Variants in HPSE2 observed in about 807,000 individuals in gnomAD.
HPSE2 encodes the protein inactive heparanase-2.
HPSE2 carries 38 observed loss-of-function variants against 60.5 expected under a neutral mutation model. That is an observed-to-expected ratio of 0.63 (90% CI 0.48 to 0.82). The LOEUF (loss-of-function observed/expected upper bound fraction) is 0.82, where lower values mean the gene tolerates loss of function less well. Ranked by LOEUF, HPSE2 falls within the 40% of genes least tolerant of loss-of-function variation. HPSE2 has a pLI of 0.00. For synonymous variants in HPSE2, 295 were observed against 293.2 expected (o/e 1.01, Z -0.06); for missense variants, 713 against 740.4 (o/e 0.96, Z 0.43).
the HPSE2 span, among the ~76,000 whole-genome samples, chr10:99,258,203 T>C: frequency 6.6e-6 from 1 of 152,008 alleles, no homozygotes; most frequent in Non-Finnish European, 1.5e-5. Context: ...TTTTATGTAT[T>C]AGCGACAAAT....
chr10:98,563,087 C>A (rs1944239724), intron 9 of HPSE2, among the ~76,000 whole-genome samples: 1 of 152,052 alleles, frequency 6.6e-6, no homozygotes, highest in Non-Finnish European at 1.5e-5. Context: ...GATATATACC[C>A]AAGATGAATG....
intron 7 of HPSE2, among the ~76,000 whole-genome samples, chr10:98,624,437 T>C (rs938575968): frequency 1.3e-5 from 2 of 152,084 alleles, no homozygotes; most frequent in African/African-American, 4.8e-5. Flanking sequence ...GAAGACTATC[T>C]GGAGTGTAGA....
intron 2 of HPSE2, among the ~76,000 whole-genome samples, chr10:99,209,127 T>C (rs928859041): frequency 2.0e-5 from 3 of 152,172 alleles, no homozygotes; most frequent in Admixed American, 6.5e-5. Context: ...TGAACAATAC[T>C]ACAAACCAAT....
At chr10:98,605,989 C>T (rs536080427) in intron 9 of HPSE2, among the ~76,000 whole-genome samples, 51 of 152,338 alleles carry the variant, frequency 3.3e-4, no homozygotes, top group Admixed American at 1.4e-3. Flanking sequence ...GCCTCCCCTC[C>T]TCATTATTCA....
chr10:98,510,927 G>A (rs1341598608), intron 9 of HPSE2, among the ~76,000 whole-genome samples: 1 of 152,176 alleles, frequency 6.6e-6, no homozygotes, highest in African/African-American at 2.4e-5. Flanking sequence ...ATAGCTGGAG[G>A]AATTTGCAGA....
chr10:98,514,970 C>T (rs1300552667), intron 9 of HPSE2, among the ~76,000 whole-genome samples: 5 of 151,922 alleles, frequency 3.3e-5, no homozygotes, highest in African/African-American at 1.2e-4. Flanking sequence ...GCAATCCGCC[C>T]GCCTCGGCCT....
chr10:98,565,422 C>T (rs1050896362), intron 9 of HPSE2, among the ~76,000 whole-genome samples: 2 of 152,066 alleles, frequency 1.3e-5, no homozygotes, highest in African/African-American at 2.4e-5. Context: ...TGAGAACATG[C>T]GGTGTTTGGT....
the HPSE2 span, among the ~76,000 whole-genome samples, chr10:99,310,997 CA>C: frequency 6.6e-6 from 1 of 152,092 alleles, no homozygotes; most frequent in Non-Finnish European, 1.5e-5. Flanking sequence ...CATAATTTTT[CA>C]TTCCACTTTC....
At chr10:99,192,506 A>G (rs1467926682) in intron 2 of HPSE2, among the ~76,000 whole-genome samples, 1 of 152,176 alleles carries the variant, frequency 6.6e-6, no homozygotes, top group African/African-American at 2.4e-5. Flanking sequence ...GCACAATCAC[A>G]GCACACCACA....
chr10:98,910,091 G>A (rs1490780381), intron 3 of HPSE2, among the ~76,000 whole-genome samples: 1 of 152,182 alleles, frequency 6.6e-6, no homozygotes, highest in African/African-American at 2.4e-5. Context: ...TAACTGTGCT[G>A]TGATAAAGGC....
chr10:99,278,553 T>G, the HPSE2 span, among the ~76,000 whole-genome samples: 6 of 152,110 alleles, frequency 3.9e-5, no homozygotes, highest in Non-Finnish European at 7.4e-5. Flanking sequence ...TCATGGCCAC[T>G]CCTAGCTAAA....
intron 6 of HPSE2, among the ~76,000 whole-genome samples, chr10:98,688,477 C>G (rs12219030): frequency 1.2e-5 from 1 of 83,012 alleles, no homozygotes; most frequent in East Asian, 3.8e-4. Flanking sequence ...TTTTTTTTTT[C>G]TTTTTTTTTT....
At chr10:98,961,016 T>C (rs1251203739) in intron 3 of HPSE2, among the ~76,000 whole-genome samples, 106 of 65,228 alleles carry the variant, frequency 1.6e-3, no homozygotes, top group Middle Eastern at 0.011. Flanking sequence ...CTTGCGATAG[T>C]TTACTGAGAA....
chr10:99,305,979 G>GCGCGCGCGCGCACACACACACACACACA, the HPSE2 span, among the ~76,000 whole-genome samples: 22 of 80,568 alleles, frequency 2.7e-4, no homozygotes, highest in Admixed American at 3.6e-4. Flanking sequence ...GCGCGCGCGC[G>GCGCGCGCGCGCACACACACACACACACA]CACACACACA....
At chr10:98,586,530 A>G (rs1204537176) in intron 9 of HPSE2, among the ~76,000 whole-genome samples, 1 of 152,260 alleles carries the variant, frequency 6.6e-6, no homozygotes, top group African/African-American at 2.4e-5. Flanking sequence ...AAAAATTTAA[A>G]TAGCATTACT....
At chr10:98,691,037 C>G (rs959786701) in intron 6 of HPSE2, among the ~76,000 whole-genome samples, 24 of 152,194 alleles carry the variant, frequency 1.6e-4, no homozygotes, top group African/African-American at 5.8e-4. Flanking sequence ...TCTCCCCCAG[C>G]CTTTTTTTAC....
chr10:99,058,905 A>G (rs1057267690), intron 3 of HPSE2, among the ~76,000 whole-genome samples: 1 of 152,154 alleles, frequency 6.6e-6, no homozygotes, highest in Non-Finnish European at 1.5e-5. Context: ...GAGGGGAGAT[A>G]GTAATTATTT....
At chr10:99,163,644 A>C (rs1846937895) in intron 2 of HPSE2, among the ~76,000 whole-genome samples, 1 of 152,208 alleles carries the variant, frequency 6.6e-6, no homozygotes, top group Non-Finnish European at 1.5e-5. Context: ...TTTAGATTTC[A>C]CCAGTTTTTC....
intron 2 of HPSE2, among the ~76,000 whole-genome samples, chr10:99,223,818 G>T (rs1276202407): frequency 6.6e-6 from 1 of 152,098 alleles, no homozygotes; most frequent in Non-Finnish European, 1.5e-5. Flanking sequence ...AGAAAAATTA[G>T]AGAAAGAGGG....
Sources: gnomAD v4.1 joint callset for allele counts (sites outside exome capture counted in the v4.1 genomes callset) on GRCh38, gnomAD v4.1.1 for gene constraint, MANE v1.5 for transcripts, NCBI Gene and HGNC (gene_info 2026-07-23, HGNC 2026-07-21) for gene names.